Variants in SLC2A1 observed in about 807,000 individuals in gnomAD.
The protein encoded by SLC2A1 is solute carrier family 2, facilitated glucose transporter member 1.
A neutral mutation model predicts 46.6 loss-of-function variants in SLC2A1; 4 were observed. The ratio of observed to expected loss-of-function variants is 0.09; its 90% CI spans 0.04 to 0.20. The LOEUF is 0.20. Among genes scored for constraint, SLC2A1 ranks in the 10% least tolerant of loss-of-function variants. SLC2A1 has a pLI of 1.00. For missense variants in SLC2A1, 352 were observed against 667.0 expected (o/e 0.53, Z 5.20); for synonymous variants, 253 against 270.0 (o/e 0.94, Z 0.62).
intron 1 of SLC2A1, 23 bp from the exon 2 acceptor site, chr1:42,943,344 G>C (rs374732764): frequency 6.0e-5 from 94 of 1,568,176 alleles, no homozygotes; most frequent in Non-Finnish European, 7.5e-5. Context: ...AAACCACACT[G>C]TTATAGGCGT....
At chr1:42,958,487 C>T in intron 1 of SLC2A1, 147 bp downstream of exon 1, 1 of 449,712 alleles carries the variant, frequency 2.2e-6, no homozygotes, top group South Asian at 9.5e-5. Flanking sequence ...GCGCTCGGGA[C>T]CCGCACCGAG....
chr1:42,944,051 A>C (rs758244106), intron 1 of SLC2A1, among the ~76,000 whole-genome samples: 16 of 152,332 alleles, frequency 1.1e-4, no homozygotes, highest in Non-Finnish European at 1.9e-4. Context: ...CCTCACGGCA[A>C]TAATCCCCAA....
intron 2 of SLC2A1, among the ~76,000 whole-genome samples, chr1:42,935,874 T>A (rs185533877): frequency 2.0e-4 from 30 of 152,322 alleles, no homozygotes; most frequent in African/African-American, 7.0e-4. Context: ...AAACATTTTA[T>A]GTAAAAGGCT....
chr1:42,929,975 T>C lies in SLC2A1; in HGVS notation c.577A>G (p.Ile193Val), dbSNP rs1212331558. The C allele has an allele frequency of 1.1e-5, 17 of 1,614,116 alleles. No individual in the cohort carries two copies. The highest frequency in any genetic ancestry group is 2.2e-5 in the East Asian group (1 of 44,862). The change falls in exon 5 of 10, where the codon ATC (isoleucine) becomes GTC (valine). Residue 193 changes from isoleucine (I) to valine (V), a missense_variant. Ile to Val is a conservative substitution (Grantham distance 29). Around this residue, in one of 5 missense-constraint regions of SLC2A1, gnomAD observed 167 missense variants for 280.8 expected, o/e 0.59. Coordinates refer to ENST00000426263, the MANE Select transcript of SLC2A1 (RefSeq NM_006516.4). This position sits in a 1 kb window ranked among gnomAD's most constrained non-coding sequence, Gnocchi z 6.0. ...KDLWPLLLSI[I>V]FIPALLQCIV... The stretch of plus-strand genomic sequence containing the variant: ...CACTGCAGCAGGGCCGGGATGAAGA[T>C]GATGCTCAGCAGCAGGGGCCACAGG...
At position 42,930,469 on chromosome 1, in the gene SLC2A1, G is replaced by C. The variant is rs1029193003; in HGVS notation, c.516+157C>G. ...ATCTTGCTGTCAACTGGGAGGCCAT[G>C]GTGCTGTGTTCTCTGGACCTGTGTA... On this transcript the variant is annotated intron_variant, in intron 4 of 9. Coordinates refer to ENST00000426263, the MANE Select transcript of SLC2A1 (RefSeq NM_006516.4). The surrounding 1 kb of genome is among the most constrained non-coding windows in gnomAD (Gnocchi z 6.2). The C allele has an allele frequency of 3.1e-6, 3 of 969,316 alleles. No individual in the cohort carries two copies. The highest frequency in any genetic ancestry group is 2.0e-4 in the Middle Eastern group (1 of 4,898). 60.0% of individuals were successfully genotyped at this position (969,316 alleles called of 1,614,324 possible). A position where few individuals can be genotyped will look rare whatever the true frequency, so the allele number is the denominator to read the frequency against.
chr1:42,943,929 C>A (rs1643623971), intron 1 of SLC2A1, among the ~76,000 whole-genome samples: 1 of 152,170 alleles, frequency 6.6e-6, no homozygotes, highest in Admixed American at 6.5e-5. Context: ...CTTGCCCTAC[C>A]CTTCCTGCTG....
intron 2 of SLC2A1, among the ~76,000 whole-genome samples, chr1:42,932,083 G>A (rs1435872395): frequency 6.6e-6 from 1 of 152,150 alleles, no homozygotes; most frequent in Non-Finnish European, 1.5e-5. Context: ...AAAGACTCAC[G>A]CTGTGGCTTT....
At chr1:42,939,642 A>C (rs912363064) in intron 2 of SLC2A1, among the ~76,000 whole-genome samples, 2 of 152,288 alleles carry the variant, frequency 1.3e-5, no homozygotes, top group Non-Finnish European at 2.9e-5. Flanking sequence ...ATTTGTCTAC[A>C]TCTTCAGAAG....
chr1:42,953,467 C>A (rs1211299194), intron 1 of SLC2A1, among the ~76,000 whole-genome samples: 1 of 152,236 alleles, frequency 6.6e-6, no homozygotes, highest in Non-Finnish European at 1.5e-5. Flanking sequence ...CCTCTCTGAG[C>A]CCATGAATCT....
rs372344816 is a variant in SLC2A1, at chr1:42,943,333, C to T, written c.19-12G>A. On this transcript the variant is annotated splice_polypyrimidine_tract_variant and intron_variant, in intron 1 of 9. Transcript: ENST00000426263. ...CGACCCGTCAGCTTCTGCGGAGAAACAAACCACACTGTTATAGGCGTGTCT... is the reference window on the plus strand; with the variant it reads ...CGACCCGTCAGCTTCTGCGGAGAAATAAACCACACTGTTATAGGCGTGTCT... 101 of 1,602,122 alleles carry T rather than the reference C, an allele frequency of 6.3e-5. No homozygotes were observed. Among genetic ancestry groups the T allele is most frequent in the Non-Finnish European group, 8.4e-5 (98 of 1,170,016 alleles).
At chr1:42,947,844 CTG>C (rs1391882062) in intron 1 of SLC2A1, among the ~76,000 whole-genome samples, 21 of 152,330 alleles carry the variant, frequency 1.4e-4, no homozygotes, top group South Asian at 1.2e-3. Flanking sequence ...AAAGCTGGCT[CTG>C]TGAGTATCTG....
rs1020111476 is a variant in SLC2A1, at chr1:42,954,227, A to C, written c.18+4407T>G. Among the ~76,000 whole-genome samples the C allele has an allele frequency of 2.0e-5, 3 of 152,032 alleles. No homozygotes were observed. Among genetic ancestry groups the C allele is most frequent in the Non-Finnish European group, 2.9e-5 (2 of 67,988 alleles). ...GAGAAGAAAGCATCTTTAAAAAAAA[A>C]ACACAGCTAGGCCAGGCGCGGTGGC... On this transcript the variant is annotated intron_variant, in intron 1 of 9. Coordinates refer to ENST00000426263, the MANE Select transcript of SLC2A1 (RefSeq NM_006516.4). This position sits in a 1 kb window ranked among gnomAD's most constrained non-coding sequence, Gnocchi z 4.2.
At chr1:42,934,148 G>A (rs934560756) in intron 2 of SLC2A1, among the ~76,000 whole-genome samples, 1 of 152,336 alleles carries the variant, frequency 6.6e-6, no homozygotes, top group Middle Eastern at 3.4e-3. Context: ...ACTGACAAGA[G>A]GGCTGTGTGT....
chr1:42,929,273 C>G lies in SLC2A1; in HGVS notation c.909G>C (p.Val303=). The change falls in exon 7 of 10, where the codon GTG becomes GTC. Residue 303 remains valine, a synonymous_variant. Coordinates refer to ENST00000426263, the MANE Select transcript of SLC2A1 (RefSeq NM_006516.4). The surrounding 1 kb of genome is among the most constrained non-coding windows in gnomAD (Gnocchi z 6.0). ...CAATGGTGGCATACACAGGCTGCTG[C>G]ACCCCCGCCTTCTCGAAGATGCTCG... The part of the protein sequence containing the change: ...YSTSIFEKAG[V]QQPVYATIGS... 6.2e-7 allele frequency: 1 copy of G among 1,614,014 alleles called. No homozygotes were observed. Among genetic ancestry groups the G allele is most frequent in the Non-Finnish European group, 8.5e-7 (1 of 1,179,948 alleles).
intron 1 of SLC2A1, among the ~76,000 whole-genome samples, chr1:42,950,166 A>G (rs1440633717): frequency 1.3e-5 from 2 of 152,284 alleles, no homozygotes; most frequent in East Asian, 1.9e-4. Flanking sequence ...TGTAAGAATT[A>G]TATTAAATTC....
intron 2 of SLC2A1, 26 bp from the exon 3 acceptor site, chr1:42,931,232 G>T (rs1370459976): frequency 1.9e-6 from 3 of 1,611,010 alleles, no homozygotes; most frequent in Admixed American, 1.7e-5. Flanking sequence ...CAGCCTGGGT[G>T]AGCAAGCCAG....
At position 42,930,019 on chromosome 1, in the gene SLC2A1, G is replaced by T; in HGVS notation, c.533C>A (p.Ser178Tyr). 1 of 1,614,100 alleles carries T rather than the reference G, an allele frequency of 6.2e-7. No individual in the cohort carries two copies. The highest frequency in any genetic ancestry group is 8.5e-7 in the Non-Finnish European group (1 of 1,180,026). The change falls in exon 5 of 10, where the codon TCC becomes TAC. Residue 178 changes from serine to tyrosine, a missense_variant. Coordinates refer to ENST00000426263, the MANE Select transcript of SLC2A1 (RefSeq NM_006516.4). The surrounding 1 kb of genome is among the most constrained non-coding windows in gnomAD (Gnocchi z 6.2). ...CCACAGGTCCTTGTTGCCCATGATG[G>T]AGTCCAGGCCGAACACCTGGGGGAA... Reference protein sequence around the residue: ...ILIAQVFGLDSIMGNKDLWPL... With the variant: ...ILIAQVFGLDYIMGNKDLWPL...
In SLC2A1 at chr1:42,926,596, C is replaced by A; in HGVS notation, c.*445G>T. 1.2e-6 allele frequency: 1 copy of A among 867,166 alleles called. No homozygotes were observed. Among genetic ancestry groups the A allele is most frequent in the South Asian group, 1.6e-5 (1 of 63,256 alleles). The allele number at this position is 867,166 out of a possible 1,614,324, so 53.7% of individuals were successfully genotyped here. A position where few individuals can be genotyped will look rare whatever the true frequency, so the allele number is the denominator to read the frequency against. On this transcript the variant is annotated 3_prime_UTR_variant, in exon 10 of 10. Transcript: ENST00000426263. Reference sequence around the variant, plus strand: ...CAGCAGAACGGGTGGCCATAGCCACCTCCTGGGATAGAAGCTTTGTAGTTC... The same window carrying A: ...CAGCAGAACGGGTGGCCATAGCCACATCCTGGGATAGAAGCTTTGTAGTTC...
Position 42,929,887 on chromosome 1 carries a change from T to C in SLC2A1, c.665A>G (p.Asn222Ser), listed in dbSNP as rs934104576. The stretch of plus-strand genomic sequence containing the variant: ...CATGCCCGTACCACTCTTGGCCCGG[T>C]TCTCCTCGTTGCGGTTGATGAGCAG... ...RFLLINRNEENRAKSVLKKLR... is the reference protein window; with the variant it reads ...RFLLINRNEESRAKSVLKKLR... The change falls in exon 5 of 10, where the codon AAC becomes AGC. Residue 222 changes from asparagine to serine, a missense_variant. Asn to Ser is a conservative substitution (Grantham distance 46, BLOSUM62 1). Coordinates refer to ENST00000426263, the MANE Select transcript of SLC2A1 (RefSeq NM_006516.4). The surrounding 1 kb of genome is among the most constrained non-coding windows in gnomAD (Gnocchi z 6.0). 1 of 1,614,062 alleles carries C rather than the reference T, an allele frequency of 6.2e-7. No individual in the cohort carries two copies. Among genetic ancestry groups the C allele is most frequent in the Non-Finnish European group, 8.5e-7 (1 of 1,179,980 alleles).
Sources: gnomAD v4.1 joint callset for allele counts (sites outside exome capture counted in the v4.1 genomes callset) on GRCh38, gnomAD v4.1.1 for gene constraint, gnomAD v4.1.1 regional missense constraint, Gnocchi (gnomAD v3.1) non-coding constraint, MANE v1.5 for transcripts, NCBI Gene and HGNC (gene_info 2026-07-23, HGNC 2026-07-21) for gene names.